Variants in CSMD1 observed in about 807,000 individuals in gnomAD.
CSMD1 encodes CUB and sushi domain-containing protein 1.
Under a neutral mutation model 417.5 loss-of-function variants are expected in CSMD1, and 213 were observed. The observed-to-expected ratio is 0.51, with a 90% CI of 0.46 to 0.57. CSMD1 has a LOEUF of 0.57. Among genes scored for constraint, CSMD1 ranks in the 20% least tolerant of loss-of-function variants. The probability of loss-of-function intolerance (pLI) is 0.00; values close to 1 mark genes in which losing one functional copy is unlikely to be tolerated. For missense variants in CSMD1, 6,923 were observed against 4,529.7 expected (o/e 1.53, Z -15.17); for synonymous variants, 2,862 against 1,736.8 (o/e 1.65, Z -16.11).
At chr8:3,165,095 G>A (rs1426571366) in intron 37 of CSMD1, among the ~76,000 whole-genome samples, 1 of 151,976 alleles carries the variant, frequency 6.6e-6, no homozygotes, top group Non-Finnish European at 1.5e-5. Context: ...GACTCAGGAA[G>A]CAGTTCTATG....
At chr8:4,453,363 TG>T (rs1799267696) in intron 2 of CSMD1, among the ~76,000 whole-genome samples, 1 of 152,152 alleles carries the variant, frequency 6.6e-6, no homozygotes, top group South Asian at 2.1e-4. Context: ...CTGCTGGGAT[TG>T]GGGGTCTCCT....
intron 54 of CSMD1, among the ~76,000 whole-genome samples, chr8:2,993,674 A>C (rs1225929294): frequency 1.3e-5 from 2 of 152,180 alleles, no homozygotes; most frequent in Admixed American, 1.3e-4. Flanking sequence ...TCTAGTGTAA[A>C]ATACAAAGGG....
At chr8:4,132,060 A>C (rs895458789) in intron 3 of CSMD1, among the ~76,000 whole-genome samples, 1 of 152,192 alleles carries the variant, frequency 6.6e-6, no homozygotes, top group African/African-American at 2.4e-5. Context: ...AGGTAAAAGC[A>C]AAGCATTATA....
At chr8:3,446,146 G>C (rs1459315118) in intron 12 of CSMD1, among the ~76,000 whole-genome samples, 2 of 152,130 alleles carry the variant, frequency 1.3e-5, no homozygotes, top group East Asian at 3.9e-4. Context: ...TGCAAGAAAG[G>C]AAATTGCCAT....
intron 33 of CSMD1, among the ~76,000 whole-genome samples, chr8:3,195,877 T>G (rs2129052669): frequency 6.6e-6 from 1 of 152,296 alleles, no homozygotes; most frequent in South Asian, 2.1e-4. Context: ...GTAGTCATGG[T>G]TCAGACTTGG....
intron 3 of CSMD1, among the ~76,000 whole-genome samples, chr8:4,331,400 C>G (rs1480778666): frequency 6.6e-6 from 1 of 152,160 alleles, no homozygotes; most frequent in Non-Finnish European, 1.5e-5. Context: ...TACAGTTTTT[C>G]ATGGTTAGTT....
rs375585032 is a variant in CSMD1 at position 3,241,394 on chromosome 8, T to A, written c.4154-11163A>T. Among the ~76,000 whole-genome samples the A allele has an allele frequency of 9.5e-4, 145 of 152,104 alleles. 1 individual carries two copies. Among genetic ancestry groups the A allele is most frequent in the African/African-American group, 3.0e-3 (124 of 41,500 alleles). ...TCCATATTGATTAAGAAGGGGACGGTCTTACCCTCCACTGTGAGAGTTACC... is the reference window on the plus strand; with the variant it reads ...TCCATATTGATTAAGAAGGGGACGGACTTACCCTCCACTGTGAGAGTTACC... On this transcript the variant is annotated intron_variant, in intron 26 of 69. Transcript: ENST00000635120.
intron 3 of CSMD1, among the ~76,000 whole-genome samples, chr8:4,036,679 A>G (rs1253250064): frequency 6.6e-6 from 1 of 152,236 alleles, no homozygotes; most frequent in African/African-American, 2.4e-5. Flanking sequence ...CTTTTCATGA[A>G]ATTGCATTTC....
intron 11 of CSMD1, among the ~76,000 whole-genome samples, chr8:3,483,888 C>T (rs927266606): frequency 5.9e-5 from 9 of 152,088 alleles, no homozygotes; most frequent in Admixed American, 3.9e-4. Context: ...AAAGAAAGAA[C>T]ATGATATATC....
chr8:3,042,860 C>T (rs965256887), intron 50 of CSMD1, among the ~76,000 whole-genome samples: 7 of 151,718 alleles, frequency 4.6e-5, no homozygotes, highest in South Asian at 2.1e-4. Context: ...CAGGATTATA[C>T]GTACACAGAG....
At chr8:4,276,273 A>C (rs895911613) in intron 3 of CSMD1, among the ~76,000 whole-genome samples, 1 of 152,216 alleles carries the variant, frequency 6.6e-6, no homozygotes, top group Non-Finnish European at 1.5e-5. Context: ...GCACATATAC[A>C]CCACGGAATA....
intron 5 of CSMD1, among the ~76,000 whole-genome samples, chr8:3,891,720 C>A (rs571387247): frequency 6.6e-6 from 1 of 152,026 alleles, no homozygotes; most frequent in Admixed American, 6.6e-5. Context: ...TCTCCTAACA[C>A]TAGTCTCCCA....
chr8:4,466,353 G>T (rs1202789600), intron 2 of CSMD1, among the ~76,000 whole-genome samples: 1 of 152,076 alleles, frequency 6.6e-6, no homozygotes, highest in Non-Finnish European at 1.5e-5. Context: ...GACAGAGGTT[G>T]ACAAGGACTA....
chr8:4,394,224 CAG>C (rs1405330811), intron 3 of CSMD1, among the ~76,000 whole-genome samples: 1 of 152,120 alleles, frequency 6.6e-6, no homozygotes, highest in East Asian at 1.9e-4. Flanking sequence ...CTTAGAAAAA[CAG>C]TAATTATTTT....
chr8:3,576,615 A>G (rs1386691729), intron 9 of CSMD1, among the ~76,000 whole-genome samples: 2 of 152,230 alleles, frequency 1.3e-5, no homozygotes, highest in Admixed American at 6.5e-5. Flanking sequence ...GTCCAAATGA[A>G]AAACAAACAT....
intron 8 of CSMD1, among the ~76,000 whole-genome samples, chr8:3,601,978 G>A (rs143038259): frequency 7.9e-5 from 12 of 152,202 alleles, no homozygotes; most frequent in Middle Eastern, 6.8e-3. Flanking sequence ...GGTGGCTGTC[G>A]GGAGATGTGG....
chr8:4,271,838 G>A (rs777866704), intron 3 of CSMD1, among the ~76,000 whole-genome samples: 7 of 152,210 alleles, frequency 4.6e-5, no homozygotes, highest in South Asian at 2.1e-4. Context: ...TCCTGGCAGC[G>A]CTATTTGAAA....
chr8:3,394,037 T>TATATAG (rs1811534292), intron 17 of CSMD1, among the ~76,000 whole-genome samples: 2 of 97,420 alleles, frequency 2.1e-5, no homozygotes, highest in Non-Finnish European at 4.6e-5. Context: ...TATATATATA[T>TATATAG]ATATATATAT....
chr8:4,583,590 G>A (rs528868558), intron 2 of CSMD1, among the ~76,000 whole-genome samples: 5 of 152,140 alleles, frequency 3.3e-5, no homozygotes, highest in African/African-American at 4.8e-5. Context: ...GTTTGTGAGT[G>A]CACCAATGGA....
Sources: gnomAD v4.1 joint callset for allele counts (sites outside exome capture counted in the v4.1 genomes callset) on GRCh38, gnomAD v4.1.1 for gene constraint, MANE v1.5 for transcripts, NCBI Gene and HGNC (gene_info 2026-07-23, HGNC 2026-07-21) for gene names.